Variants in STK31 observed in about 807,000 individuals in gnomAD.
The protein encoded by STK31 is serine/threonine-protein kinase 31.
A neutral mutation model predicts 129.7 loss-of-function variants in STK31; 89 were observed. That is an observed-to-expected ratio of 0.69 (90% CI 0.58 to 0.82). The LOEUF (loss-of-function observed/expected upper bound fraction) is 0.82. STK31 is among the 40% of genes least tolerant of loss of function. The pLI is 0.00. For missense variants in STK31, 1,187 were observed against 1,176.4 expected (o/e 1.01, Z -0.13); for synonymous variants, 448 against 395.3 (o/e 1.13, Z -1.58).
intron 23 of STK31, among the ~76,000 whole-genome samples, chr7:23,825,258 T>G (rs1326404769): frequency 6.6e-6 from 1 of 152,208 alleles, no homozygotes; most frequent in African/African-American, 2.4e-5. Context: ...AGCTGTTAAT[T>G]ATTGCCTCAA....
At chr7:23,737,794 C>T (rs139000702) in intron 8 of STK31, among the ~76,000 whole-genome samples, 6 of 152,196 alleles carry the variant, frequency 3.9e-5, no homozygotes, top group Non-Finnish European at 7.4e-5. Flanking sequence ...ATGGTAATCA[C>T]GTCTCCAGAT....
At chr7:23,770,265 A>G (rs536461895) in intron 13 of STK31, among the ~76,000 whole-genome samples, 3 of 152,234 alleles carry the variant, frequency 2.0e-5, no homozygotes, top group Non-Finnish European at 4.4e-5. Flanking sequence ...ATTATTGCTC[A>G]TTGGGACTCT....
chr7:23,710,207 T>G, upstream of STK31: 1 of 1,608,732 alleles, frequency 6.2e-7, no homozygotes, highest in Non-Finnish European at 8.5e-7. Context: ...GCAGGCGCAG[T>G]GTGGGGCCCT....
In STK31 at chr7:23,790,947, G is replaced by A; in HGVS notation, c.2760+1G>A. 6.5e-7 allele frequency: 1 copy of A among 1,543,680 alleles called. No individual in the cohort carries two copies. On this transcript the variant is annotated splice_donor_variant, in intron 22 of 23. Coordinates refer to ENST00000355870, the MANE Select transcript of STK31 (RefSeq NM_031414.5). LOFTEE classifies it high-confidence loss of function. Reference sequence around the variant, plus strand: ...TGCTTATGGCTGCCTCTTATTATGGGTATGTTATTTTTTTGTTGAAATAGA... The same window carrying A: ...TGCTTATGGCTGCCTCTTATTATGGATATGTTATTTTTTTGTTGAAATAGA...
At chr7:23,797,178 A>T (rs1199025585) in intron 22 of STK31, among the ~76,000 whole-genome samples, 1 of 151,664 alleles carries the variant, frequency 6.6e-6, no homozygotes, top group African/African-American at 2.4e-5. Flanking sequence ...AGACTTTAAC[A>T]CCCCACCGTC....
chr7:23,776,289 C>CT (rs375629634), intron 15 of STK31, among the ~76,000 whole-genome samples: 16 of 150,858 alleles, frequency 1.1e-4, no homozygotes, highest in Admixed American at 5.3e-4. Context: ...CTGAAATTTT[C>CT]TTTTTTTTTG....
rs950935 is a variant in STK31, at chr7:23,710,610, C to A, written c.50+275C>A. 4.2e-4 allele frequency: 540 copies of A among 1,278,732 alleles called. No individual in the cohort carries two copies. In the African/African-American group the frequency reaches 7.3e-3, roughly 17 times the overall value. The allele number at this position is 1,278,732 out of a possible 1,614,324, so 79.2% of individuals were successfully genotyped here. On this transcript the variant is annotated intron_variant, in intron 1 of 23. Coordinates refer to ENST00000355870, the MANE Select transcript of STK31 (RefSeq NM_031414.5). ...CACTCTCTTCCCCTTCTCGAAAATT[C>A]TGTGCCATTTAAGTTTCAAAATCCC...
intron 1 of STK31, chr7:23,710,588 T>C (rs1015320606): frequency 1.5e-6 from 2 of 1,333,838 alleles, no homozygotes; most frequent in Non-Finnish European, 1.9e-6. Context: ...GCCTCCACAC[T>C]CTCTTCCCCT....
chr7:23,815,981 A>C (rs184811791), intron 23 of STK31, among the ~76,000 whole-genome samples: 1 of 152,150 alleles, frequency 6.6e-6, no homozygotes. Flanking sequence ...TAAGATTACA[A>C]TGAAAGAGTA....
chr7:23,787,741 TACACACACACACACACACACACACACAC>T, intron 20 of STK31, among the ~76,000 whole-genome samples: 1 of 145,640 alleles, frequency 6.9e-6, no homozygotes, highest in South Asian at 2.2e-4. Flanking sequence ...GGTATGATTG[TACACACACACACACACACACACACACAC>T]ACACACACAC....
chr7:23,711,166 C>T (rs1205048638), intron 1 of STK31, among the ~76,000 whole-genome samples: 2 of 152,046 alleles, frequency 1.3e-5, no homozygotes, highest in African/African-American at 4.8e-5. Context: ...TAAAAAATTG[C>T]GGTGGCTTAG....
At chr7:23,711,564 T>G (rs1425856029) in intron 1 of STK31, among the ~76,000 whole-genome samples, 3 of 152,152 alleles carry the variant, frequency 2.0e-5, no homozygotes, top group Non-Finnish European at 1.5e-5. Context: ...TTGCATTTGA[T>G]AAAGTATAAT....
intron 8 of STK31, among the ~76,000 whole-genome samples, chr7:23,750,075 C>CCCCCCCCT (rs60551930): frequency 8.0e-6 from 1 of 125,572 alleles, no homozygotes; most frequent in East Asian, 2.5e-4. Flanking sequence ...TTTCCCCCCC[C>CCCCCCCCT]GCCACTGCTG....
At chr7:23,793,975 C>G (rs1791797359) in intron 22 of STK31, among the ~76,000 whole-genome samples, 1 of 152,184 alleles carries the variant, frequency 6.6e-6, no homozygotes, top group African/African-American at 2.4e-5. Context: ...CTAGAAACAA[C>G]TCAAAGTCCA....
chr7:23,820,016 A>C (rs1286512766), intron 23 of STK31, among the ~76,000 whole-genome samples: 1 of 152,202 alleles, frequency 6.6e-6, no homozygotes, highest in Admixed American at 6.5e-5. Context: ...AATAGTGTCA[A>C]ATTCTGACCA....
At chr7:23,815,093 A>G in intron 22 of STK31, 51 bp from the exon 23 acceptor site, 2 of 1,334,602 alleles carry the variant, frequency 1.5e-6, no homozygotes, top group African/African-American at 3.0e-5. Context: ...TCTTCTATAG[A>G]TTGGCGTATT....
At chr7:23,738,904 C>T (rs1787884538) in intron 8 of STK31, among the ~76,000 whole-genome samples, 2 of 152,172 alleles carry the variant, frequency 1.3e-5, no homozygotes, top group Admixed American at 6.5e-5. Flanking sequence ...GGTTCCAAGT[C>T]TTTGCCATTG....
intron 22 of STK31, among the ~76,000 whole-genome samples, chr7:23,800,156 A>G (rs1358453887): frequency 6.6e-6 from 1 of 152,186 alleles, no homozygotes; most frequent in Non-Finnish European, 1.5e-5. Flanking sequence ...TAGTTCGGCC[A>G]TTATGGAAAA....
intron 10 of STK31, among the ~76,000 whole-genome samples, chr7:23,757,876 C>T (rs1290817962): frequency 3.3e-5 from 5 of 152,272 alleles, no homozygotes; most frequent in South Asian, 2.1e-4. Flanking sequence ...GAGGTCCCTG[C>T]GGCCTTCTGC....
Sources: allele counts gnomAD v4.1 joint callset (sites outside exome capture counted in the v4.1 genomes callset), GRCh38; gene constraint gnomAD v4.1.1; transcripts MANE v1.5; gene names NCBI Gene and HGNC (gene_info 2026-07-23, HGNC 2026-07-21).